Variants in COL24A1 observed in about 807,000 individuals in gnomAD.
The protein encoded by COL24A1 is collagen type XXIV alpha 1 chain, also known as collagen alpha-1(XXIV) chain.
COL24A1 carries 224 observed loss-of-function variants against 253.9 expected under a neutral mutation model. That is an observed-to-expected ratio of 0.88 (90% CI 0.79 to 0.99). COL24A1 has a LOEUF of 0.99. Among genes scored for constraint, COL24A1 ranks in the 50% least tolerant of loss-of-function variants. COL24A1 has a pLI of 0.00. For synonymous variants in COL24A1, 685 were observed against 673.7 expected, an observed-to-expected ratio of 1.02 and a Z score of -0.26; for missense variants, 2,131 against 2,068.5, an observed-to-expected ratio of 1.03 and a Z score of -0.59.
intron 1 of COL24A1, among the ~76,000 whole-genome samples, chr1:86,149,485 G>T (rs1434146423): frequency 1.3e-5 from 2 of 152,122 alleles, no homozygotes; most frequent in African/African-American, 4.8e-5. Context: ...GCTTACTTAG[G>T]ATTACAGTCA....
intron 24 of COL24A1, among the ~76,000 whole-genome samples, chr1:85,945,246 T>A (rs1689220300): frequency 1.3e-5 from 2 of 151,542 alleles, no homozygotes; most frequent in African/African-American, 4.9e-5. Flanking sequence ...CTCCATCTCC[T>A]GACCTCATGA....
chr1:85,818,224 A>C (rs1673248766), intron 45 of COL24A1, 137 bp from the exon 46 acceptor site: 1 of 608,814 alleles, frequency 1.6e-6, no homozygotes, highest in Non-Finnish European at 2.9e-6. Context: ...ATTGCCATTT[A>C]ATTTTCCTGG....
intron 3 of COL24A1, 72 bp downstream of exon 3, chr1:86,124,773 T>C: frequency 8.2e-7 from 1 of 1,225,118 alleles, no homozygotes; most frequent in South Asian, 1.7e-5. Context: ...GAACTCTCTT[T>C]AAAATGTATT....
intron 39 of COL24A1, among the ~76,000 whole-genome samples, chr1:85,845,172 C>T (rs1435774447): frequency 6.6e-6 from 1 of 151,378 alleles, no homozygotes; most frequent in Non-Finnish European, 1.5e-5. Flanking sequence ...ATAATTAAAC[C>T]TAAGTAAGAT....
chr1:86,089,121 CAAAAAAAAGAA>C, intron 7 of COL24A1, 42 bp downstream of exon 7: 1 of 1,369,436 alleles, frequency 7.3e-7, no homozygotes, highest in Non-Finnish European at 9.8e-7. Flanking sequence ...AAGAAAAAGA[CAAAAAAAAGAA>C]AAAAAGAAGA....
At chr1:85,960,029 G>T (rs1196706952) in intron 24 of COL24A1, among the ~76,000 whole-genome samples, 3 of 151,980 alleles carry the variant, frequency 2.0e-5, no homozygotes, top group African/African-American at 7.2e-5. Flanking sequence ...AGAACAAAAA[G>T]TTCTCCTTCT....
At chr1:85,806,075 CAAAA>C (rs59669169) in intron 47 of COL24A1, among the ~76,000 whole-genome samples, 2 of 95,118 alleles carry the variant, frequency 2.1e-5, no homozygotes, top group Non-Finnish European at 2.3e-5. Context: ...GACTCCGTCT[CAAAA>C]AAAAAAAAAA....
At position 85,783,562 on chromosome 1, in the gene COL24A1, G is replaced by T. The variant is rs1669353377; in HGVS notation, c.4222-4C>A. The T allele has an allele frequency of 1.2e-6, 2 of 1,612,540 alleles. No homozygotes were observed. The highest frequency in any genetic ancestry group is 1.7e-6 in the Non-Finnish European group (2 of 1,179,040). On this transcript the variant is annotated splice_region_variant and splice_polypyrimidine_tract_variant and intron_variant, in intron 50 of 59. Transcript: ENST00000370571. ...TGCCAGCATCCCCTTCAGGACCCTA[G>T]ACATACAATAAGAAACAAAAAGATA...
chr1:86,057,526 C>A (rs1293960216), intron 10 of COL24A1, among the ~76,000 whole-genome samples: 3 of 152,058 alleles, frequency 2.0e-5, no homozygotes, highest in Non-Finnish European at 4.4e-5. Context: ...TTATTTCTTT[C>A]TTTGTAGATA....
intron 5 of COL24A1, among the ~76,000 whole-genome samples, chr1:86,097,704 A>G (rs1410556057): frequency 7.1e-6 from 1 of 139,980 alleles, no homozygotes; most frequent in Non-Finnish European, 1.5e-5. Flanking sequence ...TCCTCTTCCT[A>G]TTTATTAAAC....
Position 86,125,535 on chromosome 1 carries a change from G to A in COL24A1, c.801C>T (p.His267=). 1.9e-6 allele frequency: 3 copies of A among 1,613,642 alleles called. No individual in the cohort carries two copies. The highest frequency in any genetic ancestry group is 2.5e-6 in the Non-Finnish European group (3 of 1,179,762). The change falls in exon 3 of 60, where the codon CAC becomes CAT. Residue 267 remains histidine, a synonymous_variant. Transcript: ENST00000370571. ...TTLIPTKIPE[H]SPPPKLFAEK... Reference sequence around the variant, plus strand: ...CAGCAAATAGTTTGGGCGGGGGAGAGTGTTCCGGTATCTTTGTTGGTATGA... The same window carrying A: ...CAGCAAATAGTTTGGGCGGGGGAGAATGTTCCGGTATCTTTGTTGGTATGA...
intron 3 of COL24A1, among the ~76,000 whole-genome samples, chr1:86,122,191 ATTCTC>A (rs1252540101): frequency 1.4e-5 from 1 of 70,144 alleles, no homozygotes; most frequent in African/African-American, 5.3e-5. Flanking sequence ...CTCAGTTCTC[ATTCTC>A]TTTGACTTCT....
chr1:86,118,512 G>A (rs564496527), intron 3 of COL24A1, among the ~76,000 whole-genome samples: 23 of 152,182 alleles, frequency 1.5e-4, no homozygotes, highest in Middle Eastern at 3.4e-3. Flanking sequence ...AGTTAATGTT[G>A]GAAATCCTGC....
intron 5 of COL24A1, among the ~76,000 whole-genome samples, chr1:86,096,636 T>A (rs569476700): frequency 6.6e-6 from 1 of 152,104 alleles, no homozygotes; most frequent in African/African-American, 2.4e-5. Flanking sequence ...CTCCATTGCA[T>A]ACATAAATGA....
chr1:85,923,653 T>C (rs187097266), intron 24 of COL24A1, among the ~76,000 whole-genome samples: 429 of 152,310 alleles, frequency 2.8e-3, no homozygotes, highest in Non-Finnish European at 4.9e-3. Context: ...CCGGAATCTC[T>C]GGGACATATT....
At chr1:85,839,615 C>A (rs1676387225) in intron 42 of COL24A1, among the ~76,000 whole-genome samples, 1 of 151,768 alleles carries the variant, frequency 6.6e-6, no homozygotes, top group African/African-American at 2.4e-5. Flanking sequence ...CACGAGCCTG[C>A]AGTCCCAGCT....
chr1:85,894,890 C>T (rs1208511464), intron 31 of COL24A1, among the ~76,000 whole-genome samples: 1 of 152,130 alleles, frequency 6.6e-6, no homozygotes, highest in Non-Finnish European at 1.5e-5. Context: ...CAAGCAAATG[C>T]AGTGACATTT....
At chr1:85,872,135 A>G (rs1442718066) in intron 35 of COL24A1, among the ~76,000 whole-genome samples, 6 of 152,174 alleles carry the variant, frequency 3.9e-5, no homozygotes, top group Non-Finnish European at 8.8e-5. Context: ...TCCAGCTTAC[A>G]AGGGATGTGA....
intron 14 of COL24A1, among the ~76,000 whole-genome samples, chr1:86,025,777 A>T (rs17405900): frequency 6.6e-6 from 1 of 151,300 alleles, no homozygotes; most frequent in Admixed American, 6.6e-5. Flanking sequence ...CAATCCCACT[A>T]CTCCTCTTTC....
Sources: allele counts gnomAD v4.1 joint callset (sites outside exome capture counted in the v4.1 genomes callset), GRCh38; gene constraint gnomAD v4.1.1; transcripts MANE v1.5; gene names NCBI Gene and HGNC (gene_info 2026-07-23, HGNC 2026-07-21).